Variants in PCNX2 observed in about 807,000 individuals in gnomAD.
PCNX2 encodes the protein pecanex 2.
A neutral mutation model predicts 223.8 loss-of-function variants in PCNX2; 168 were observed. The ratio of observed to expected loss-of-function variants is 0.75; its 90% CI spans 0.66 to 0.85. The LOEUF is 0.85. PCNX2 is among the 40% of genes least tolerant of loss of function. The pLI is 0.00. For missense variants in PCNX2, 2,507 were observed against 2,675.5 expected (o/e 0.94, Z 1.39); for synonymous variants, 1,006 against 1,052.6 (o/e 0.96, Z 0.86).
intron 28 of PCNX2, among the ~76,000 whole-genome samples, chr1:233,012,366 A>T (rs1435090214): frequency 1.3e-5 from 2 of 152,142 alleles, no homozygotes; most frequent in Non-Finnish European, 2.9e-5. Context: ...GGCATATCCA[A>T]CTAGGTCAGA....
At chr1:233,046,458 A>G (rs1671824597) in intron 25 of PCNX2, among the ~76,000 whole-genome samples, 1 of 152,232 alleles carries the variant, frequency 6.6e-6, no homozygotes, top group South Asian at 2.1e-4. Flanking sequence ...CAATAAAAGC[A>G]TAATTTAGGT....
At chr1:233,135,276 G>T in intron 20 of PCNX2, 86 bp from the exon 21 acceptor site, 1 of 1,372,994 alleles carries the variant, frequency 7.3e-7, no homozygotes, top group Non-Finnish European at 9.9e-7. Flanking sequence ...CTCCAGGATT[G>T]ATGGTTCATT....
At chr1:233,114,887 T>C (rs1371300784) in intron 21 of PCNX2, among the ~76,000 whole-genome samples, 1 of 151,892 alleles carries the variant, frequency 6.6e-6, no homozygotes, top group Non-Finnish European at 1.5e-5. Flanking sequence ...CTTTCAGGGG[T>C]TTTACTTCCA....
At chr1:233,117,518 G>A (rs538232770) in intron 21 of PCNX2, among the ~76,000 whole-genome samples, 10 of 149,646 alleles carry the variant, frequency 6.7e-5, no homozygotes, top group South Asian at 6.5e-4. Context: ...GGAGAAAGGC[G>A]TGAACCCGGG....
intron 19 of PCNX2, among the ~76,000 whole-genome samples, chr1:233,145,582 G>C (rs905696084): frequency 6.6e-6 from 1 of 151,920 alleles, no homozygotes; most frequent in Non-Finnish European, 1.5e-5. Flanking sequence ...CTGTTTACAG[G>C]GCTGGCATCT....
chr1:233,245,633 C>T (rs1365103973), intron 8 of PCNX2, among the ~76,000 whole-genome samples: 1 of 152,162 alleles, frequency 6.6e-6, no homozygotes, highest in Non-Finnish European at 1.5e-5. Flanking sequence ...AAATTTAAAT[C>T]GGCTGGGCGT....
chr1:233,208,104 C>T (rs911572142), intron 13 of PCNX2, among the ~76,000 whole-genome samples: 26 of 152,108 alleles, frequency 1.7e-4, no homozygotes, highest in African/African-American at 5.6e-4. Context: ...TACAGGCATG[C>T]GCCAACATGC....
chr1:232,999,358 C>T lies in PCNX2; in HGVS notation c.5350G>A (p.Gly1784Arg), dbSNP rs867083123. ...TCCTGCTGCTGCCCGGCCCAAAGTC[C>T]TCGGACGCATTCTTTGTTAACCTGC... is the stretch of plus-strand genomic sequence containing the variant. ...VIKVNKECVRGLWAGQQQELI... is the reference protein window; with the variant it reads ...VIKVNKECVRRLWAGQQQELI... The change falls in exon 31 of 34, where the codon GGA (glycine) becomes AGA (arginine). Residue 1784 changes from glycine (G) to arginine (R), a missense_variant. Transcript: ENST00000258229. The T allele has an allele frequency of 1.3e-6, 2 of 1,596,620 alleles. No individual in the cohort carries two copies. Among genetic ancestry groups the T allele is most frequent in the Non-Finnish European group, 1.7e-6 (2 of 1,171,660 alleles).
At chr1:233,145,832 C>T (rs1677415195) in intron 19 of PCNX2, among the ~76,000 whole-genome samples, 1 of 152,150 alleles carries the variant, frequency 6.6e-6, no homozygotes, top group South Asian at 2.1e-4. Flanking sequence ...CCTGGGCAGA[C>T]CCCACCACTT....
intron 28 of PCNX2, among the ~76,000 whole-genome samples, chr1:233,010,891 C>T (rs1670444332): frequency 6.6e-6 from 1 of 152,204 alleles, no homozygotes; most frequent in African/African-American, 2.4e-5. Flanking sequence ...GACTATCCAT[C>T]AAATCTATGT....
intron 19 of PCNX2, among the ~76,000 whole-genome samples, chr1:233,154,863 T>A (rs1474871549): frequency 6.6e-6 from 1 of 151,886 alleles, no homozygotes; most frequent in Non-Finnish European, 1.5e-5. Flanking sequence ...GAGACCAGGA[T>A]TTCGAGACCA....
At chr1:233,156,545 G>A (rs1286379691) in intron 19 of PCNX2, among the ~76,000 whole-genome samples, 1 of 152,156 alleles carries the variant, frequency 6.6e-6, no homozygotes, top group Non-Finnish European at 1.5e-5. Context: ...AGTGGTTATG[G>A]AAGGGAGGCT....
At chr1:233,015,530 C>A (rs1670624243) in intron 27 of PCNX2, among the ~76,000 whole-genome samples, 1 of 152,034 alleles carries the variant, frequency 6.6e-6, no homozygotes, top group African/African-American at 2.4e-5. Context: ...AAAACCCTGT[C>A]TCTACTAAAA....
rs1679566737 is a variant in PCNX2, at chr1:233,177,800, A to G, written c.3273+2T>C. The stretch of plus-strand genomic sequence containing the variant: ...CTACATTACACAACGCAAATGTCTC[A>G]CCACTGAATCTTTCATCTTCTTGGG... On this transcript the variant is annotated splice_donor_variant, in intron 17 of 33. Transcript: ENST00000258229. LOFTEE classifies it high-confidence loss of function. 6.2e-7 allele frequency: 1 copy of G among 1,610,636 alleles called. No individual in the cohort carries two copies. The highest frequency in any genetic ancestry group is 2.2e-5 in the East Asian group (1 of 44,868).
Position 233,000,596 on chromosome 1 carries a change from G to T in PCNX2, c.5098-61C>A. ...GACCAGAGGAACTCACCCCCAGGAA[G>T]CATGCAGATGGCAACTGGCCAGTGA... On this transcript the variant is annotated intron_variant, in intron 29 of 33. Transcript: ENST00000258229. This position sits in a 1 kb window ranked among gnomAD's most constrained non-coding sequence, Gnocchi z 4.6. The T allele has an allele frequency of 7.2e-7, 1 of 1,381,468 alleles. No individual in the cohort carries two copies. The highest frequency in any genetic ancestry group is 2.5e-5 in the East Asian group (1 of 40,216). The allele number at this position is 1,381,468 out of a possible 1,614,324, so 85.6% of individuals were successfully genotyped here.
intron 8 of PCNX2, among the ~76,000 whole-genome samples, chr1:233,245,120 A>G (rs1470481829): frequency 6.6e-6 from 1 of 152,228 alleles, no homozygotes; most frequent in African/African-American, 2.4e-5. Flanking sequence ...CCCTCACCCC[A>G]GAACTCCAAC....
intron 21 of PCNX2, among the ~76,000 whole-genome samples, chr1:233,110,123 A>T (rs1675036013): frequency 6.6e-6 from 1 of 152,142 alleles, no homozygotes; most frequent in Non-Finnish European, 1.5e-5. Flanking sequence ...GGAAGATCAG[A>T]TAGTACCAAG....
At position 233,152,431 on chromosome 1, in the gene PCNX2, G is replaced by A. The variant is rs537094517; in HGVS notation, c.3517+7852C>T. ...AGCATCTTTCTTATGTGGGGAAAAA[G>A]GCGAGGTAAGGAATACATCCTTCCT... On this transcript the variant is annotated intron_variant, in intron 19 of 33. Transcript: ENST00000258229. Among the ~76,000 whole-genome samples, 75 of 152,212 alleles carry A rather than the reference G, an allele frequency of 4.9e-4. 1 individual carries two copies. The South Asian group carries it at 0.015, about 31-fold the overall frequency.
At chr1:233,054,028 G>A (rs1030287539) in intron 25 of PCNX2, among the ~76,000 whole-genome samples, 2 of 152,110 alleles carry the variant, frequency 1.3e-5, no homozygotes, top group African/African-American at 4.8e-5. Context: ...ATCCTGATTT[G>A]CTAATAAAAC....
Sources: gnomAD v4.1 joint callset for allele counts (sites outside exome capture counted in the v4.1 genomes callset) on GRCh38, gnomAD v4.1.1 for gene constraint, Gnocchi (gnomAD v3.1) non-coding constraint, MANE v1.5 for transcripts, NCBI Gene and HGNC (gene_info 2026-07-23, HGNC 2026-07-21) for gene names.